Variants in SAMD10 observed in about 807,000 individuals in gnomAD.
SAMD10 encodes the protein sterile alpha motif domain-containing protein 10.
Under a neutral mutation model 22.5 loss-of-function variants are expected in SAMD10, and 16 were observed. The observed-to-expected ratio is 0.71, with a 90% CI of 0.48 to 1.08. The LOEUF is 1.08. Ranked by LOEUF, SAMD10 falls within the 50% of genes least tolerant of loss-of-function variation. The probability of loss-of-function intolerance (pLI) is 0.00; values close to 1 mark genes in which losing one functional copy is unlikely to be tolerated. For missense variants in SAMD10, 227 were observed against 281.3 expected, an observed-to-expected ratio of 0.81 and a Z score of 1.38; for synonymous variants, 118 against 122.2, an observed-to-expected ratio of 0.97 and a Z score of 0.23.
Position 63,979,415 on chromosome 20 carries a change from GC to G in SAMD10, c.52del (p.Ala18ProfsTer94), listed in dbSNP as rs1363260838. The G allele has an allele frequency of 1.3e-6, 2 of 1,481,858 alleles. No homozygotes were observed. Among genetic ancestry groups the G allele is most frequent in the Admixed American group, 2.3e-5 (1 of 43,748 alleles). The allele number at this position is 1,481,858 out of a possible 1,614,324, so 91.8% of individuals were successfully genotyped here. On this transcript the variant is annotated frameshift_variant, in exon 1 of 5. Coordinates refer to ENST00000369886, the MANE Select transcript of SAMD10 (RefSeq NM_080621.5). LOFTEE classifies it high-confidence loss of function. The surrounding 1 kb of genome is among the most constrained non-coding windows in gnomAD (Gnocchi z 7.7). ...KLSPPRGRAG[A>X]VRAGFGERRD... The stretch of plus-strand genomic sequence containing the variant: ...GCGCTCCCCGAAGCCCGCGCGCACG[GC>G]CCCGGCGCGGCCACGCGGGGGGCTC...
rs2059013188 is a variant in SAMD10, at chr20:63,975,205, C to T, written c.*305G>A. 8.3e-6 allele frequency: 4 copies of T among 480,054 alleles called. No homozygotes were observed. The highest frequency in any genetic ancestry group is 4.1e-5 in the East Asian group (1 of 24,138). 29.7% of individuals were successfully genotyped at this position (480,054 alleles called of 1,614,324 possible). On this transcript the variant is annotated 3_prime_UTR_variant, in exon 5 of 5. Transcript: ENST00000369886. ...GGGAGTCTAGGGGGGACATCCAAAC[C>T]GGTTCTGGCTCCAGGCAGCTGCCCC...
At position 63,979,330 on chromosome 20, in the gene SAMD10, A is replaced by G; in HGVS notation, c.91+47T>C. The G allele has an allele frequency of 1.0e-6, 1 of 977,100 alleles. No individual in the cohort carries two copies. Among genetic ancestry groups the G allele is most frequent in the Non-Finnish European group, 1.4e-6 (1 of 708,314 alleles). 60.5% of individuals were successfully genotyped at this position (977,100 alleles called of 1,614,324 possible). On this transcript the variant is annotated intron_variant, in intron 1 of 4. Transcript: ENST00000369886. This position sits in a 1 kb window ranked among gnomAD's most constrained non-coding sequence, Gnocchi z 7.7. Reference sequence around the variant, plus strand: ...CCGCCCCCGTGCCTCTGGGTCCCTGAGACCCCCGCCCGAGAAATCCCCGCT... The same window carrying G: ...CCGCCCCCGTGCCTCTGGGTCCCTGGGACCCCCGCCCGAGAAATCCCCGCT...
chr20:63,977,377 G>C lies in SAMD10; in HGVS notation c.121C>G (p.Leu41Val), dbSNP rs375462359. The change falls in exon 2 of 5, where the codon CTC (leucine) becomes GTC (valine). Residue 41 changes from leucine (L) to valine (V), a missense_variant. Physicochemically the swap from Leu to Val is conservative, Grantham distance 32. Transcript: ENST00000369886. The surrounding 1 kb of genome is among the most constrained non-coding windows in gnomAD (Gnocchi z 5.4). Reference protein sequence around the residue: ...ATAHFSFCRTLLEHTVSAESI... With the variant: ...ATAHFSFCRTVLEHTVSAESI... ...TCAGCTGACACCGTGTGCTCCAGGA[G>C]GGTCCGGCAGAAGCTGAAGTGGGCA... is the stretch of plus-strand genomic sequence containing the variant. The C allele has an allele frequency of 2.4e-5, 38 of 1,613,128 alleles. No individual in the cohort carries two copies. The South Asian group carries it at 3.6e-4, about 15-fold the overall frequency.
intron 3 of SAMD10, among the ~76,000 whole-genome samples, chr20:63,976,537 C>T (rs1457999877): frequency 1.1e-4 from 16 of 151,416 alleles, no homozygotes; most frequent in Admixed American, 2.0e-4. Context: ...CTGAGGCAGG[C>T]GGATCACCTG....
In SAMD10 at chr20:63,974,943, G is replaced by A. The variant is rs1042212235; in HGVS notation, c.*567C>T. The A allele has an allele frequency of 7.6e-5, 12 of 157,134 alleles. No individual in the cohort carries two copies. The highest frequency in any genetic ancestry group is 2.9e-3 in the Middle Eastern group (1 of 346). The allele number at this position is 157,134 out of a possible 1,614,324, so 9.7% of individuals were successfully genotyped here. A position where few individuals can be genotyped will look rare whatever the true frequency, so the allele number is the denominator to read the frequency against. On this transcript the variant is annotated 3_prime_UTR_variant, in exon 5 of 5. Coordinates refer to ENST00000369886, the MANE Select transcript of SAMD10 (RefSeq NM_080621.5). ...GATGAAAGTGCTTGGCATGGTGCCCGTTAGGCGGGTGCTGATGGCCACTAC... is the reference window on the plus strand; with the variant it reads ...GATGAAAGTGCTTGGCATGGTGCCCATTAGGCGGGTGCTGATGGCCACTAC...
Position 63,975,846 on chromosome 20 carries a change from A to G in SAMD10, c.446-14T>C, listed in dbSNP as rs1332183148. Reference sequence around the variant, plus strand: ...GCAGTGCCCGGCCTGGGGAGAGGAAAGAGGGGCTGAGCTGAGGCCAACAGA... The same window carrying G: ...GCAGTGCCCGGCCTGGGGAGAGGAAGGAGGGGCTGAGCTGAGGCCAACAGA... On this transcript the variant is annotated splice_polypyrimidine_tract_variant and intron_variant, in intron 3 of 4. Transcript: ENST00000369886. 1 of 1,581,968 alleles carries G rather than the reference A, an allele frequency of 6.3e-7. No individual in the cohort carries two copies. Among genetic ancestry groups the G allele is most frequent in the Non-Finnish European group, 8.5e-7 (1 of 1,170,166 alleles).
At chr20:63,979,752 G>T, upstream of SAMD10, 1 of 922,112 alleles carries the variant, frequency 1.1e-6, no homozygotes, top group Non-Finnish European at 1.3e-6. The surrounding 1 kb of genome is among the most constrained non-coding windows in gnomAD (Gnocchi z 7.7). Flanking sequence ...GCACGGCTCC[G>T]CGGAGGAGAG....
chr20:63,975,436 G>A lies in SAMD10; in HGVS notation c.*74C>T. 2 of 1,591,452 alleles carry A rather than the reference G, an allele frequency of 1.3e-6. No individual in the cohort carries two copies. The highest frequency in any genetic ancestry group is 1.7e-6 in the Non-Finnish European group (2 of 1,162,366). On this transcript the variant is annotated 3_prime_UTR_variant, in exon 5 of 5. Coordinates refer to ENST00000369886, the MANE Select transcript of SAMD10 (RefSeq NM_080621.5). ...CCGCAGGGTCCAAGAGGCGCTGCGG[G>A]GCCAGCTTGGCCTCCTCCCTAGCCG...
chr20:63,979,307 G>A lies in SAMD10; in HGVS notation c.91+70C>T. ...CTCGAAGCCCGCCGGGTCCCGCCCC[G>A]CCCCCGTGCCTCTGGGTCCCTGAGA... On this transcript the variant is annotated intron_variant, in intron 1 of 4. Coordinates refer to ENST00000369886, the MANE Select transcript of SAMD10 (RefSeq NM_080621.5). The surrounding 1 kb of genome is among the most constrained non-coding windows in gnomAD (Gnocchi z 7.7). 2.3e-6 allele frequency: 1 copy of A among 440,054 alleles called. No homozygotes were observed. The highest frequency in any genetic ancestry group is 3.3e-6 in the Non-Finnish European group (1 of 303,710). 27.3% of individuals were successfully genotyped at this position (440,054 alleles called of 1,614,324 possible).
intron 3 of SAMD10, among the ~76,000 whole-genome samples, chr20:63,976,285 G>C (rs899845063): frequency 1.3e-5 from 2 of 152,084 alleles, no homozygotes; most frequent in Non-Finnish European, 2.9e-5. Context: ...GAGAGACTCG[G>C]AGAGAGGGAG....
rs201918023 is a variant in SAMD10, at chr20:63,977,204, G to A, written c.273+21C>T. On this transcript the variant is annotated intron_variant, in intron 2 of 4. Coordinates refer to ENST00000369886, the MANE Select transcript of SAMD10 (RefSeq NM_080621.5). The surrounding 1 kb of genome is among the most constrained non-coding windows in gnomAD (Gnocchi z 5.4). ...GTGGAGAAGGAGGGCAGGGACGGAGGTGGGTGGAGTGGGTGGGTACCTGGG... is the reference window on the plus strand; with the variant it reads ...GTGGAGAAGGAGGGCAGGGACGGAGATGGGTGGAGTGGGTGGGTACCTGGG... The A allele has an allele frequency of 3.1e-6, 5 of 1,612,998 alleles. No homozygotes were observed. The highest frequency in any genetic ancestry group is 4.2e-6 in the Non-Finnish European group (5 of 1,179,386).
rs1412199466 is a variant in SAMD10, at chr20:63,977,734, A to C, written c.92-328T>G. ...ATATGACAAGAGGAGCTATCCTGGG[A>C]CAGCCCTGACCTCACCCTTGCCTTG... On this transcript the variant is annotated intron_variant, in intron 1 of 4. Coordinates refer to ENST00000369886, the MANE Select transcript of SAMD10 (RefSeq NM_080621.5). The surrounding 1 kb of genome is among the most constrained non-coding windows in gnomAD (Gnocchi z 5.4). Among the ~76,000 whole-genome samples the C allele has an allele frequency of 6.6e-6, 1 of 152,238 alleles. No individual in the cohort carries two copies. Among genetic ancestry groups the C allele is most frequent in the Admixed American group, 6.5e-5 (1 of 15,284 alleles).
At position 63,979,507 on chromosome 20, in the gene SAMD10, C is replaced by T. The variant is rs927622414; in HGVS notation, c.-40G>A. Reference sequence around the variant, plus strand: ...CCAGGCCCGCGCACACGCCCCTCGCCGAGTGCAGGGCGGCCGGTGTGGCCG... The same window carrying T: ...CCAGGCCCGCGCACACGCCCCTCGCTGAGTGCAGGGCGGCCGGTGTGGCCG... On this transcript the variant is annotated 5_prime_UTR_variant, in exon 1 of 5. Transcript: ENST00000369886. The surrounding 1 kb of genome is among the most constrained non-coding windows in gnomAD (Gnocchi z 7.7). 2 of 1,219,280 alleles carry T rather than the reference C, an allele frequency of 1.6e-6. No homozygotes were observed. The allele number at this position is 1,219,280 out of a possible 1,614,324, so 75.5% of individuals were successfully genotyped here. A position where few individuals can be genotyped will look rare whatever the true frequency, so the allele number is the denominator to read the frequency against.
In SAMD10 at chr20:63,974,459, A is replaced by T. The variant is rs2122921137; in HGVS notation, c.*1051T>A. ...CAGAGGGGACTAGGGGCTCAGCCTC[A>T]TCTGTCCCTGAGATTTTCAGAAGCC... is the stretch of plus-strand genomic sequence containing the variant. On this transcript the variant is annotated 3_prime_UTR_variant, in exon 5 of 5. Coordinates refer to ENST00000369886, the MANE Select transcript of SAMD10 (RefSeq NM_080621.5). 6.5e-6 allele frequency: 1 copy of T among 152,922 alleles called. No individual in the cohort carries two copies. 9.5% of individuals were successfully genotyped at this position (152,922 alleles called of 1,614,324 possible).
chr20:63,976,997 TC>T lies in SAMD10; in HGVS notation c.418del (p.Glu140ArgfsTer16). On this transcript the variant is annotated frameshift_variant, in exon 3 of 5. Coordinates refer to ENST00000369886, the MANE Select transcript of SAMD10 (RefSeq NM_080621.5). LOFTEE classifies it high-confidence loss of function. ...HCPHNYLVYV[E>X]AFSQHAITGR... ...GGTGATGGCATGCTGGGAGAAGGCC[TC>T]CACGTAGACGAGGTAGTTGTGGGGA... The T allele has an allele frequency of 6.2e-7, 1 of 1,614,100 alleles. No individual in the cohort carries two copies. Among genetic ancestry groups the T allele is most frequent in the South Asian group, 1.1e-5 (1 of 91,082 alleles).
At chr20:63,976,837 C>A (rs1425285509) in intron 3 of SAMD10, 134 bp downstream of exon 3, 20 of 575,966 alleles carry the variant, frequency 3.5e-5, no homozygotes, top group South Asian at 8.6e-5. Context: ...AGATGAAGAA[C>A]AGAGGGGAGG....
At position 63,979,511 on chromosome 20, in the gene SAMD10, T is replaced by A. The variant is rs1690644404; in HGVS notation, c.-44A>T. On this transcript the variant is annotated 5_prime_UTR_variant, in exon 1 of 5. Coordinates refer to ENST00000369886, the MANE Select transcript of SAMD10 (RefSeq NM_080621.5). This position sits in a 1 kb window ranked among gnomAD's most constrained non-coding sequence, Gnocchi z 7.7. ...GCCCGCGCACACGCCCCTCGCCGAG[T>A]GCAGGGCGGCCGGTGTGGCCGGCGG... The A allele has an allele frequency of 3.5e-6, 4 of 1,152,330 alleles. No individual in the cohort carries two copies. The highest frequency in any genetic ancestry group is 4.8e-5 in the Admixed American group (1 of 20,656). The allele number at this position is 1,152,330 out of a possible 1,614,324, so 71.4% of individuals were successfully genotyped here. A position where few individuals can be genotyped will look rare whatever the true frequency, so the allele number is the denominator to read the frequency against.
At chr20:63,980,070 C>CT (rs1474583756), upstream of SAMD10, 1 of 152,638 alleles carries the variant, frequency 6.6e-6, no homozygotes, top group East Asian at 1.9e-4. Context: ...GTACAGTGCT[C>CT]TGTAACTGAA....
intron 3 of SAMD10, among the ~76,000 whole-genome samples, chr20:63,976,117 G>A (rs987703061): frequency 3.3e-5 from 5 of 152,322 alleles, no homozygotes; most frequent in Admixed American, 6.5e-5. Context: ...AGGTTGCAGT[G>A]AGCTGAGATC....
Sources: gnomAD v4.1 joint callset for allele counts (sites outside exome capture counted in the v4.1 genomes callset) on GRCh38, gnomAD v4.1.1 for gene constraint, Gnocchi (gnomAD v3.1) non-coding constraint, MANE v1.5 for transcripts, NCBI Gene and HGNC (gene_info 2026-07-23, HGNC 2026-07-21) for gene names.